Variants in TNS1 observed in about 807,000 individuals in gnomAD.
TNS1 encodes the protein tensin 1.
In TNS1, 62 loss-of-function variants were observed where a neutral mutation model predicts 168.6. The ratio of observed to expected loss-of-function variants is 0.37; its 90% CI spans 0.30 to 0.45. TNS1 has a LOEUF of 0.45. Ranked by LOEUF, TNS1 falls within the 20% of genes least tolerant of loss-of-function variation. TNS1 has a pLI of 1.00. For missense variants in TNS1, 2,240 were observed against 2,339.4 expected, an observed-to-expected ratio of 0.96 and a Z score of 0.88; for synonymous variants, 934 against 933.2, an observed-to-expected ratio of 1.00 and a Z score of -0.02.
chr2:218,022,360 C>G (rs1426501422), intron 1 of TNS1, among the ~76,000 whole-genome samples: 4 of 152,192 alleles, frequency 2.6e-5, no homozygotes, highest in African/African-American at 9.7e-5. Flanking sequence ...CTTTCTCCCA[C>G]TAAGGCCACT....
chr2:217,905,989 G>C (rs765024737), intron 6 of TNS1, among the ~76,000 whole-genome samples: 6 of 152,204 alleles, frequency 3.9e-5, no homozygotes, highest in Non-Finnish European at 7.3e-5. Flanking sequence ...AAGAGTCAGG[G>C]CTCCTTCTCT....
chr2:217,903,057 C>A (rs1296021233), intron 6 of TNS1, among the ~76,000 whole-genome samples: 7 of 152,188 alleles, frequency 4.6e-5, no homozygotes, highest in Non-Finnish European at 7.4e-5. Flanking sequence ...AGAGATGGTG[C>A]CTTTGGAAGC....
intron 19 of TNS1, among the ~76,000 whole-genome samples, chr2:217,841,657 C>T (rs1945980631): frequency 6.6e-6 from 1 of 152,026 alleles, no homozygotes. Flanking sequence ...ATCGTGGGAC[C>T]AGGAGAATTC....
chr2:217,845,649 AT>A (rs1400844038), intron 19 of TNS1, among the ~76,000 whole-genome samples: 11 of 152,220 alleles, frequency 7.2e-5, no homozygotes, highest in Admixed American at 2.0e-4. Context: ...ATCCTTCCCT[AT>A]CTATGACTTC....
intron 3 of TNS1, among the ~76,000 whole-genome samples, chr2:217,978,006 A>G (rs1454906716): frequency 3.3e-5 from 5 of 152,164 alleles, no homozygotes; most frequent in Non-Finnish European, 7.4e-5. Context: ...TCCCAAACTC[A>G]TAATCCATCT....
At chr2:217,946,957 T>TCA (rs1234529063) in intron 3 of TNS1, among the ~76,000 whole-genome samples, 7 of 112,498 alleles carry the variant, frequency 6.2e-5, no homozygotes, top group South Asian at 4.5e-4. Context: ...TCTCTCTCTC[T>TCA]CTCTCTCTCT....
At chr2:217,840,607 G>C (rs1464003849) in intron 19 of TNS1, among the ~76,000 whole-genome samples, 1 of 152,236 alleles carries the variant, frequency 6.6e-6, no homozygotes, top group Admixed American at 6.5e-5. Context: ...ACCAGAGGGG[G>C]TACGCTGTCC....
intron 3 of TNS1, among the ~76,000 whole-genome samples, chr2:217,941,179 G>A (rs1055580415): frequency 6.6e-6 from 1 of 152,226 alleles, no homozygotes; most frequent in Non-Finnish European, 1.5e-5. Flanking sequence ...GGCTGGCTAG[G>A]GAGGCCTGTT....
At chr2:217,894,975 C>CATT (rs750300320) in intron 9 of TNS1, 31 bp downstream of exon 9, 5 of 1,608,954 alleles carry the variant, frequency 3.1e-6, no homozygotes. Flanking sequence ...TCTCCTTCTC[C>CATT]TCCCCTACCC....
chr2:217,805,513 A>ACACACCACACACAG (rs1559132049), intron 32 of TNS1, among the ~76,000 whole-genome samples: 1 of 27,528 alleles, frequency 3.6e-5, no homozygotes, highest in Admixed American at 5.2e-4. Context: ...ACCACCACAC[A>ACACACCACACACAG]CACCACACAC....
At chr2:217,835,049 G>A (rs749884505) in intron 21 of TNS1, 42 bp downstream of exon 21, 1 of 1,523,064 alleles carries the variant, frequency 6.6e-7, no homozygotes, top group Non-Finnish European at 8.8e-7. Context: ...CTGAGGGGCT[G>A]GAGGGTACAC....
chr2:218,004,346 G>A (rs1334079084), upstream of TNS1, among the ~76,000 whole-genome samples: 6 of 151,980 alleles, frequency 3.9e-5, no homozygotes, highest in East Asian at 1.9e-4. Context: ...CCACATGCAC[G>A]AAGGGTTACA....
At chr2:217,906,668 C>T (rs561181168) in intron 5 of TNS1, among the ~76,000 whole-genome samples, 5 of 152,172 alleles carry the variant, frequency 3.3e-5, no homozygotes, top group Non-Finnish European at 7.3e-5. Flanking sequence ...CCCACAGTCA[C>T]ATAATTAGAA....
At chr2:217,856,144 C>G (rs150436591) in intron 18 of TNS1, among the ~76,000 whole-genome samples, 56 of 152,316 alleles carry the variant, frequency 3.7e-4, no homozygotes, top group African/African-American at 1.3e-3. Flanking sequence ...TCACCCATGA[C>G]TTGCATGGAG....
At chr2:217,908,193 T>G (rs889282550) in intron 4 of TNS1, among the ~76,000 whole-genome samples, 4 of 152,228 alleles carry the variant, frequency 2.6e-5, no homozygotes, top group Non-Finnish European at 5.9e-5. Context: ...AATAAACTCC[T>G]GTTGGCTGAT....
chr2:217,989,188 GC>G (rs945731781), intron 2 of TNS1, among the ~76,000 whole-genome samples: 32 of 152,338 alleles, frequency 2.1e-4, no homozygotes, highest in African/African-American at 7.2e-4. Flanking sequence ...CAAAGGCTGA[GC>G]CCACCAGGCC....
In TNS1 at chr2:217,804,256, TTCTC is replaced by T. The variant is rs71403015; in HGVS notation, c.*199_*202del. On this transcript the variant is annotated 3_prime_UTR_variant, in exon 33 of 33. Coordinates refer to ENST00000682258, the MANE Select transcript of TNS1 (RefSeq NM_001387777.1). ...GAATCCAAGTTCTTCTCCTCCATCT[TTCTC>T]TCTCTCTCTCTCTCTCTCTCTCTCT... is the stretch of plus-strand genomic sequence containing the variant. 0.027 allele frequency: 10,910 copies of T among 411,424 alleles called. 6 individuals are homozygous for T. Among genetic ancestry groups the T allele is most frequent in the East Asian group, 0.07 (1,799 of 25,590 alleles). 25.5% of individuals were successfully genotyped at this position (411,424 alleles called of 1,614,324 possible).
chr2:217,822,484 A>T (rs2125203744), intron 22 of TNS1, among the ~76,000 whole-genome samples: 1 of 152,232 alleles, frequency 6.6e-6, no homozygotes, highest in East Asian at 1.9e-4. Flanking sequence ...TAGACTCACC[A>T]GCCCCTTTGA....
At position 217,986,550 on chromosome 2, in the gene TNS1, C is replaced by A. The variant is rs1018415210; in HGVS notation, c.148+4392G>T. Among the ~76,000 whole-genome samples, 1 of 152,292 alleles carries A rather than the reference C, an allele frequency of 6.6e-6. No individual in the cohort carries two copies. ...TGAGCAAAGCTCTGAGTCCACATAG[C>A]CTCCCTCTGGGGCCTCCTGTGCACA... On this transcript the variant is annotated intron_variant, in intron 2 of 32. Coordinates refer to ENST00000682258, the MANE Select transcript of TNS1 (RefSeq NM_001387777.1). This position sits in a 1 kb window ranked among gnomAD's most constrained non-coding sequence, Gnocchi z 4.7.
Sources: gnomAD v4.1 joint callset for allele counts (sites outside exome capture counted in the v4.1 genomes callset) on GRCh38, gnomAD v4.1.1 for gene constraint, Gnocchi (gnomAD v3.1) non-coding constraint, MANE v1.5 for transcripts, NCBI Gene and HGNC (gene_info 2026-07-23, HGNC 2026-07-21) for gene names.